Variants in PPARGC1A observed in about 807,000 individuals in gnomAD.
PPARGC1A encodes peroxisome proliferator-activated receptor gamma coactivator 1-alpha.
A neutral mutation model predicts 88.7 loss-of-function variants in PPARGC1A; 25 were observed. The observed-to-expected ratio is 0.28, with a 90% CI of 0.21 to 0.39. The LOEUF is 0.39. Ranked by LOEUF, PPARGC1A falls within the 10% of genes least tolerant of loss-of-function variation. The probability of loss-of-function intolerance (pLI) is 1.00; values close to 1 mark genes in which losing one functional copy is unlikely to be tolerated. For synonymous variants in PPARGC1A, 363 were observed against 355.6 expected, an observed-to-expected ratio of 1.02 and a Z score of -0.24; for missense variants, 880 against 968.7, an observed-to-expected ratio of 0.91 and a Z score of 1.22.
chr4:23,813,585 C>T (rs756894592), intron 8 of PPARGC1A, 105 bp downstream of exon 8: 39 of 1,048,382 alleles, frequency 3.7e-5, no homozygotes, highest in Non-Finnish European at 5.3e-5. Flanking sequence ...TTGCAGTGGT[C>T]AGGGGCCAGA....
chr4:23,816,390 T>C (rs749328416), intron 7 of PPARGC1A, among the ~76,000 whole-genome samples: 7 of 152,218 alleles, frequency 4.6e-5, no homozygotes, highest in Admixed American at 3.3e-4. Flanking sequence ...GATAAGTATG[T>C]CTTTTACTCA....
the PPARGC1A span, among the ~76,000 whole-genome samples, chr4:24,468,937 T>C: frequency 2.0e-5 from 3 of 152,014 alleles, no homozygotes; most frequent in Non-Finnish European, 2.9e-5. Context: ...TGGTATTAGA[T>C]GTTGAGAGCA....
chr4:23,933,363 G>A, the PPARGC1A span, among the ~76,000 whole-genome samples: 1 of 152,194 alleles, frequency 6.6e-6, no homozygotes. Flanking sequence ...TATATCTGAT[G>A]CCTGGTAAGT....
the PPARGC1A span, among the ~76,000 whole-genome samples, chr4:23,961,186 G>T: frequency 1.3e-5 from 2 of 152,098 alleles, no homozygotes; most frequent in Non-Finnish European, 2.9e-5. Flanking sequence ...TTCCATGAAA[G>T]TTCTGCCACC....
chr4:24,359,853 G>T, the PPARGC1A span, among the ~76,000 whole-genome samples: 1 of 152,132 alleles, frequency 6.6e-6, no homozygotes, highest in Non-Finnish European at 1.5e-5. Context: ...ACCTTAGTTT[G>T]GAACAGTTCT....
the PPARGC1A span, among the ~76,000 whole-genome samples, chr4:24,223,134 T>C: frequency 6.6e-6 from 1 of 152,244 alleles, no homozygotes; most frequent in Non-Finnish European, 1.5e-5. Flanking sequence ...TTAAAAACTA[T>C]TCAAAAGATG....
chr4:23,816,443 A>G (rs1470054013), intron 7 of PPARGC1A, among the ~76,000 whole-genome samples: 1 of 151,936 alleles, frequency 6.6e-6, no homozygotes, highest in Non-Finnish European at 1.5e-5. Flanking sequence ...TTTTCTCTCC[A>G]TTTTCACTTG....
Position 23,814,572 on chromosome 4 carries a change from G to C in PPARGC1A, c.911C>G (p.Ala304Gly). 6.2e-7 allele frequency: 1 copy of C among 1,607,470 alleles called. No individual in the cohort carries two copies. The highest frequency in any genetic ancestry group is 8.5e-7 in the Non-Finnish European group (1 of 1,177,996). Reference protein sequence around the residue: ...LTPPTTPPHKANQDNPFRASP... With the variant: ...LTPPTTPPHKGNQDNPFRASP... Reference sequence around the variant, plus strand: ...AGCCCTAAAAGGGTTATCTTGGTTGGCTTTATGAGGAGGAGTGGTGGGTGG... The same window carrying C: ...AGCCCTAAAAGGGTTATCTTGGTTGCCTTTATGAGGAGGAGTGGTGGGTGG... Residue 304 changes from alanine (A) to glycine (G), a missense_variant, in exon 8 of 13, where the codon GCC (alanine) becomes GGC (glycine). Ala to Gly is a moderately conservative substitution (Grantham distance 60). Coordinates refer to ENST00000264867, the MANE Select transcript of PPARGC1A (RefSeq NM_013261.5).
the PPARGC1A span, among the ~76,000 whole-genome samples, chr4:24,407,348 T>C: frequency 6.6e-6 from 1 of 152,186 alleles, no homozygotes; most frequent in Non-Finnish European, 1.5e-5. Flanking sequence ...AGCACTAACA[T>C]GAAACGAGGG....
chr4:24,245,042 A>G, the PPARGC1A span, among the ~76,000 whole-genome samples: 5 of 152,208 alleles, frequency 3.3e-5, no homozygotes, highest in African/African-American at 1.2e-4. Flanking sequence ...AAAGAGGAAG[A>G]GAGAAGGAGA....
the PPARGC1A span, among the ~76,000 whole-genome samples, chr4:24,099,908 T>C: frequency 3.8e-5 from 5 of 131,314 alleles, no homozygotes; most frequent in East Asian, 1.1e-3. Context: ...AGGAGCTTGT[T>C]AGAAATGAAC....
chr4:24,140,147 A>C, the PPARGC1A span, among the ~76,000 whole-genome samples: 2 of 152,142 alleles, frequency 1.3e-5, no homozygotes, highest in African/African-American at 4.8e-5. Flanking sequence ...GTGAAACGCT[A>C]GGCCACAAGG....
the PPARGC1A span, among the ~76,000 whole-genome samples, chr4:24,425,833 T>C: frequency 6.6e-6 from 1 of 152,182 alleles, no homozygotes; most frequent in Non-Finnish European, 1.5e-5. Flanking sequence ...GAATTCCTGA[T>C]TTTTTCCCCT....
At chr4:24,088,878 A>G in the PPARGC1A span, among the ~76,000 whole-genome samples, 3 of 152,190 alleles carry the variant, frequency 2.0e-5, no homozygotes, top group African/African-American at 7.2e-5. Flanking sequence ...TTGGAGTCAA[A>G]CAGGCATGAA....
the PPARGC1A span, among the ~76,000 whole-genome samples, chr4:24,064,243 C>T: frequency 5.3e-5 from 8 of 151,978 alleles, no homozygotes; most frequent in East Asian, 1.9e-4. Context: ...ATGGTAATAA[C>T]GAAGAGGGGA....
At chr4:24,024,284 G>A in the PPARGC1A span, among the ~76,000 whole-genome samples, 6 of 152,192 alleles carry the variant, frequency 3.9e-5, no homozygotes, top group African/African-American at 9.6e-5. Flanking sequence ...CTTCACAGAC[G>A]TAGAAACTGA....
chr4:24,274,916 C>T, the PPARGC1A span, among the ~76,000 whole-genome samples: 39,883 of 152,070 alleles, frequency 0.26, 5,993 homozygotes, highest in Non-Finnish European at 0.34. Flanking sequence ...ACACAGGGTT[C>T]CTGGGTAGAG....
the PPARGC1A span, among the ~76,000 whole-genome samples, chr4:24,256,391 T>C: frequency 6.6e-6 from 1 of 152,212 alleles, no homozygotes; most frequent in Admixed American, 6.5e-5. Context: ...ATGCCTCGCA[T>C]TCGCAGACAA....
the PPARGC1A span, among the ~76,000 whole-genome samples, chr4:24,136,386 C>T: frequency 1.3e-5 from 2 of 152,166 alleles, no homozygotes; most frequent in Non-Finnish European, 2.9e-5. Flanking sequence ...CAGTGTATCA[C>T]TAAACTTGTA....
Sources: gnomAD v4.1 joint callset for allele counts (sites outside exome capture counted in the v4.1 genomes callset) on GRCh38, gnomAD v4.1.1 for gene constraint, MANE v1.5 for transcripts, NCBI Gene and HGNC (gene_info 2026-07-23, HGNC 2026-07-21) for gene names.